SGCZ: variants seen among roughly 807,000 people sequenced by gnomAD.
SGCZ encodes the protein sarcoglycan zeta, also known as zeta-sarcoglycan.
Under a neutral mutation model 41.3 loss-of-function variants are expected in SGCZ, and 40 were observed. The ratio of observed to expected loss-of-function variants is 0.97; its 90% CI spans 0.75 to 1.26. SGCZ has a LOEUF of 1.26. SGCZ is among the 50% of genes most tolerant of loss of function. The pLI is 0.00. For missense variants in SGCZ, 552 were observed against 369.8 expected (o/e 1.49, Z -4.04); for synonymous variants, 206 against 137.5 (o/e 1.50, Z -3.49).
intron 1 of SGCZ, among the ~76,000 whole-genome samples, chr8:15,198,504 A>G (rs925152643): frequency 7.2e-5 from 11 of 152,190 alleles, no homozygotes; most frequent in Admixed American, 6.5e-4. Flanking sequence ...TAGCACATCA[A>G]TCTGGGATAA....
At chr8:14,810,428 T>C (rs930268179) in intron 1 of SGCZ, among the ~76,000 whole-genome samples, 1 of 152,036 alleles carries the variant, frequency 6.6e-6, no homozygotes, top group East Asian at 1.9e-4. Context: ...TGCTGATTTT[T>C]TTAACCAAAT....
chr8:14,798,113 A>C (rs1328535210), intron 1 of SGCZ, among the ~76,000 whole-genome samples: 1 of 152,190 alleles, frequency 6.6e-6, no homozygotes, highest in East Asian at 1.9e-4. Flanking sequence ...AATAAATACT[A>C]TCCCTGTTTT....
chr8:14,434,700 G>C (rs184019961), intron 2 of SGCZ, among the ~76,000 whole-genome samples: 1 of 152,090 alleles, frequency 6.6e-6, no homozygotes, highest in African/African-American at 2.4e-5. Flanking sequence ...GCTAGGTATA[G>C]TTCCAAATAT....
intron 2 of SGCZ, among the ~76,000 whole-genome samples, chr8:14,327,542 C>A (rs1563259632): frequency 6.6e-6 from 1 of 152,114 alleles, no homozygotes; most frequent in Non-Finnish European, 1.5e-5. Context: ...AATTGTAATT[C>A]CCATTTCAAT....
rs543831113 is a variant in SGCZ, at chr8:14,777,866, C to G, written c.40-222940G>C. On this transcript the variant is annotated intron_variant, in intron 1 of 7. Transcript: ENST00000382080. ...ATATACAGAAGTTATTTGTACATAT[C>G]TTACACCTTTTCTTATGTTTGAAAT... Among the ~76,000 whole-genome samples, 29 of 147,176 alleles carry G rather than the reference C, an allele frequency of 2.0e-4. No homozygotes were observed. The South Asian group carries it at 6.2e-3, about 32-fold the overall frequency.
At chr8:15,221,005 G>T (rs1179239038) in intron 1 of SGCZ, among the ~76,000 whole-genome samples, 1 of 152,056 alleles carries the variant, frequency 6.6e-6, no homozygotes, top group Non-Finnish European at 1.5e-5. Flanking sequence ...ACACACAGGG[G>T]CCGGTCGTCG....
intron 1 of SGCZ, among the ~76,000 whole-genome samples, chr8:14,726,326 A>ATATATATATATATATATATC (rs1810054642): frequency 7.0e-6 from 1 of 142,468 alleles, no homozygotes; most frequent in African/African-American, 2.5e-5. Context: ...ATATATATCT[A>ATATATATATATATATATATC]TATATATATA....
At chr8:14,518,748 A>G (rs568843478) in intron 2 of SGCZ, among the ~76,000 whole-genome samples, 1 of 151,894 alleles carries the variant, frequency 6.6e-6, no homozygotes, top group Admixed American at 6.6e-5. Flanking sequence ...CTTATCACCC[A>G]TCAAGATTAG....
At chr8:14,262,197 T>C (rs1313819309) in intron 3 of SGCZ, among the ~76,000 whole-genome samples, 2 of 152,144 alleles carry the variant, frequency 1.3e-5, no homozygotes, top group South Asian at 2.1e-4. Flanking sequence ...CCATTAGCAA[T>C]TTAAAAACAC....
intron 2 of SGCZ, among the ~76,000 whole-genome samples, chr8:14,417,110 T>C (rs988735510): frequency 6.6e-6 from 1 of 151,758 alleles, no homozygotes; most frequent in Non-Finnish European, 1.5e-5. Flanking sequence ...CTCAACCTGT[T>C]TCTTAGCTGT....
intron 1 of SGCZ, among the ~76,000 whole-genome samples, chr8:15,111,412 C>T (rs1039650137): frequency 2.0e-5 from 3 of 152,164 alleles, no homozygotes; most frequent in Non-Finnish European, 2.9e-5. Flanking sequence ...GGCACCCATC[C>T]ACTCAGGCCT....
Position 14,840,703 on chromosome 8 carries a change from A to C in SGCZ, c.40-285777T>G, listed in dbSNP as rs988308224. ...GATATCTAAATAATTTTATCTTGTC[A>C]GGAGCTATATTTTATAAGCCATTTA... On this transcript the variant is annotated intron_variant, in intron 1 of 7. Transcript: ENST00000382080. Among the ~76,000 whole-genome samples the C allele has an allele frequency of 1.6e-4, 25 of 152,246 alleles. No homozygotes were observed. In the East Asian group the frequency reaches 4.8e-3, roughly 29 times the overall value.
At chr8:15,085,845 C>G (rs1585548160) in intron 1 of SGCZ, among the ~76,000 whole-genome samples, 1 of 152,124 alleles carries the variant, frequency 6.6e-6, no homozygotes, top group Non-Finnish European at 1.5e-5. Flanking sequence ...TCATTCTTGT[C>G]TGCATACCCC....
chr8:14,396,124 C>G (rs1798912414), intron 2 of SGCZ, among the ~76,000 whole-genome samples: 1 of 152,110 alleles, frequency 6.6e-6, no homozygotes, highest in Non-Finnish European at 1.5e-5. Context: ...ATCTCATGTT[C>G]TCATACCTTG....
chr8:14,810,750 C>T (rs1031054), intron 1 of SGCZ, among the ~76,000 whole-genome samples: 89,328 of 151,208 alleles, frequency 0.59, 26,597 homozygotes, highest in East Asian at 0.79. Flanking sequence ...AGTATTTTCA[C>T]AACAGAAATT....
intron 1 of SGCZ, among the ~76,000 whole-genome samples, chr8:15,115,076 C>G (rs990474830): frequency 1.3e-5 from 2 of 151,972 alleles, no homozygotes; most frequent in South Asian, 2.1e-4. Context: ...CACCTTGAAA[C>G]AGAAAAAAAT....
At chr8:14,946,007 T>TATAC (rs1800430818) in intron 1 of SGCZ, among the ~76,000 whole-genome samples, 1 of 5,290 alleles carries the variant, frequency 1.9e-4, no homozygotes, top group Non-Finnish European at 3.5e-4. Flanking sequence ...AATGTCCCCA[T>TATAC]ATATATATAT....
chr8:14,162,449 C>T (rs1205016945), intron 5 of SGCZ: 8 of 152,138 alleles, frequency 5.3e-5, no homozygotes, highest in Non-Finnish European at 8.8e-5. Flanking sequence ...CCTAAGGAAC[C>T]TCACTTACTC....
chr8:14,750,752 A>C (rs1799474363), intron 1 of SGCZ, among the ~76,000 whole-genome samples: 1 of 152,232 alleles, frequency 6.6e-6, no homozygotes, highest in Admixed American at 6.5e-5. Flanking sequence ...ATGACTAATC[A>C]AGTTGGCTTC....
Sources: allele counts gnomAD v4.1 joint callset (sites outside exome capture counted in the v4.1 genomes callset), GRCh38; gene constraint gnomAD v4.1.1; transcripts MANE v1.5; gene names NCBI Gene and HGNC (gene_info 2026-07-23, HGNC 2026-07-21).